The following ROBO2 variants were observed in gnomAD, a reference collection of about 807,000 sequenced individuals.
The protein encoded by ROBO2 is roundabout homolog 2.
ROBO2 carries 53 observed loss-of-function variants against 160.8 expected under a neutral mutation model. The ratio of observed to expected loss-of-function variants is 0.33; its 90% CI spans 0.26 to 0.41. ROBO2 has a LOEUF of 0.41. Among genes scored for constraint, ROBO2 ranks in the 10% least tolerant of loss-of-function variants. The probability of loss-of-function intolerance (pLI) is 1.00; values close to 1 mark genes in which losing one functional copy is unlikely to be tolerated. For missense variants in ROBO2, 1,577 were observed against 1,722.4 expected (o/e 0.92, Z 1.49); for synonymous variants, 664 against 611.7 (o/e 1.09, Z -1.26).
intron 2 of ROBO2, among the ~76,000 whole-genome samples, chr3:76,392,291 T>A (rs2108653666): frequency 6.6e-6 from 1 of 152,300 alleles, no homozygotes; most frequent in African/African-American, 2.4e-5. Flanking sequence ...TTGCTTTAAT[T>A]GTTTTCAGTG....
chr3:76,622,263 A>C (rs1015980672), intron 2 of ROBO2, among the ~76,000 whole-genome samples: 2 of 52,934 alleles, frequency 3.8e-5, no homozygotes, highest in Non-Finnish European at 7.9e-5. Flanking sequence ...AGAAAGAAAG[A>C]AAGAAAGAAA....
intron 2 of ROBO2, among the ~76,000 whole-genome samples, chr3:77,014,572 C>T (rs2062120596): frequency 6.6e-6 from 1 of 152,170 alleles, no homozygotes; most frequent in South Asian, 2.1e-4. Context: ...TGGAAGTCCT[C>T]CTGATCAGTC....
chr3:77,431,657 T>C (rs560004316), intron 2 of ROBO2, among the ~76,000 whole-genome samples: 14 of 152,210 alleles, frequency 9.2e-5, no homozygotes, highest in African/African-American at 3.1e-4. Context: ...GCTTATACTA[T>C]TCAATAAATG....
chr3:76,608,999 A>G (rs902488679), intron 2 of ROBO2, among the ~76,000 whole-genome samples: 6 of 152,152 alleles, frequency 3.9e-5, no homozygotes, highest in African/African-American at 1.4e-4. Context: ...GCTTCCCCAC[A>G]TAAGTGAGAA....
At chr3:77,312,621 T>C (rs530863031) in intron 2 of ROBO2, among the ~76,000 whole-genome samples, 1 of 152,222 alleles carries the variant, frequency 6.6e-6, no homozygotes, top group African/African-American at 2.4e-5. Context: ...ACAAGTCAGA[T>C]AGTTTATCAT....
At chr3:77,287,304 TA>T (rs66529551) in intron 2 of ROBO2, among the ~76,000 whole-genome samples, 46,434 of 151,750 alleles carry the variant, frequency 0.31, 8,482 homozygotes, top group Middle Eastern at 0.45. Flanking sequence ...AATTGATAGT[TA>T]TTTTTTTTTA....
chr3:77,482,225 C>A (rs781162466), intron 4 of ROBO2, among the ~76,000 whole-genome samples: 1 of 152,002 alleles, frequency 6.6e-6, no homozygotes, highest in Non-Finnish European at 1.5e-5. Flanking sequence ...TTTTCAGTAG[C>A]GGTAAAATAA....
chr3:76,340,459 A>C (rs2074156915), intron 2 of ROBO2, among the ~76,000 whole-genome samples: 2 of 152,166 alleles, frequency 1.3e-5, no homozygotes, highest in Admixed American at 6.5e-5. Context: ...TCTAACCAGA[A>C]TAATATGAGT....
chr3:76,442,557 G>A (rs948435312), intron 2 of ROBO2, among the ~76,000 whole-genome samples: 3 of 152,070 alleles, frequency 2.0e-5, no homozygotes, highest in Admixed American at 6.6e-5. Flanking sequence ...CTTTATTCAC[G>A]GTTTCACTTT....
chr3:77,509,235 G>A (rs2089034145), intron 5 of ROBO2, among the ~76,000 whole-genome samples: 1 of 152,076 alleles, frequency 6.6e-6, no homozygotes, highest in Non-Finnish European at 1.5e-5. Context: ...CTTCAGGTGG[G>A]AAGGTAGGAA....
intron 2 of ROBO2, among the ~76,000 whole-genome samples, chr3:76,993,747 C>T (rs1578119006): frequency 6.6e-6 from 1 of 152,036 alleles, no homozygotes; most frequent in African/African-American, 2.4e-5. Context: ...TATGAGAAAA[C>T]ATGAGACCCA....
At chr3:77,307,536 C>A (rs2063194763) in intron 2 of ROBO2, among the ~76,000 whole-genome samples, 1 of 152,120 alleles carries the variant, frequency 6.6e-6, no homozygotes, top group Admixed American at 6.5e-5. Context: ...CCATTGCTGG[C>A]TTCTTCACGA....
chr3:77,312,328 T>C (rs1005404118), intron 2 of ROBO2, among the ~76,000 whole-genome samples: 2 of 152,154 alleles, frequency 1.3e-5, no homozygotes, highest in African/African-American at 2.4e-5. Flanking sequence ...TTCATCTCCA[T>C]CTTGTATCAT....
intron 2 of ROBO2, among the ~76,000 whole-genome samples, chr3:77,379,805 T>G (rs2073196022): frequency 6.6e-6 from 1 of 152,110 alleles, no homozygotes; most frequent in Non-Finnish European, 1.5e-5. Context: ...CAGATGCCCT[T>G]TCCTAGCCTT....
chr3:75,941,461 C>CA (rs1948049898), intron 2 of ROBO2, among the ~76,000 whole-genome samples: 1 of 152,046 alleles, frequency 6.6e-6, no homozygotes, highest in African/African-American at 2.4e-5. Context: ...TTAAATGTAG[C>CA]AAAAATTTTA....
intron 2 of ROBO2, among the ~76,000 whole-genome samples, chr3:76,266,593 T>C (rs1342208993): frequency 6.6e-6 from 1 of 152,172 alleles, no homozygotes; most frequent in Non-Finnish European, 1.5e-5. Context: ...AAGATTATGT[T>C]TGTATTTTCA....
At chr3:76,138,768 T>C (rs7648349) in intron 2 of ROBO2, among the ~76,000 whole-genome samples, 2 of 151,938 alleles carry the variant, frequency 1.3e-5, no homozygotes, top group African/African-American at 4.8e-5. Context: ...AAATTTCCTT[T>C]TAATAGTTTA....
intron 2 of ROBO2, among the ~76,000 whole-genome samples, chr3:75,943,980 T>A (rs1340456331): frequency 1.3e-5 from 2 of 152,088 alleles, no homozygotes; most frequent in Admixed American, 6.6e-5. Context: ...GGATTTCAAG[T>A]GCGAGCCACC....
chr3:76,181,952 G>C (rs1194152794), intron 2 of ROBO2, among the ~76,000 whole-genome samples: 1 of 152,070 alleles, frequency 6.6e-6, no homozygotes, highest in Non-Finnish European at 1.5e-5. Context: ...TCAATTTTAT[G>C]TATTCATATG....
Sources: gnomAD v4.1 joint callset for allele counts (sites outside exome capture counted in the v4.1 genomes callset) on GRCh38, gnomAD v4.1.1 for gene constraint, MANE v1.5 for transcripts, NCBI Gene and HGNC (gene_info 2026-07-23, HGNC 2026-07-21) for gene names.